The following PCDHGA2 variants were observed in gnomAD, a reference collection of about 807,000 sequenced individuals.
The protein encoded by PCDHGA2 is protocadherin gamma-A2.
Under a neutral mutation model 59.2 loss-of-function variants are expected in PCDHGA2, and 40 were observed. The ratio of observed to expected loss-of-function variants is 0.68; its 90% CI spans 0.52 to 0.88. PCDHGA2 has a LOEUF of 0.88. Among genes scored for constraint, PCDHGA2 ranks in the 40% least tolerant of loss-of-function variants. The probability of loss-of-function intolerance (pLI) is 0.00; values close to 1 mark genes in which losing one functional copy is unlikely to be tolerated. For synonymous variants in PCDHGA2, 560 were observed against 526.0 expected, an observed-to-expected ratio of 1.06 and a Z score of -0.89; for missense variants, 1,226 against 1,204.0, an observed-to-expected ratio of 1.02 and a Z score of -0.27.
intron 1 of PCDHGA2, among the ~76,000 whole-genome samples, chr5:141,470,729 G>T (rs1253040487): frequency 6.6e-6 from 1 of 152,102 alleles, no homozygotes; most frequent in Non-Finnish European, 1.5e-5. Context: ...TCAGGGTCTT[G>T]CTCTGTCGCC....
chr5:141,481,913 CAAAAAA>C (rs34114744), intron 1 of PCDHGA2, among the ~76,000 whole-genome samples: 1 of 90,850 alleles, frequency 1.1e-5, no homozygotes. Flanking sequence ...AACTCCATCT[CAAAAAA>C]AAAAAAAAAA....
At chr5:141,458,172 T>A (rs1023447659) in intron 1 of PCDHGA2, among the ~76,000 whole-genome samples, 2 of 152,216 alleles carry the variant, frequency 1.3e-5, no homozygotes, top group African/African-American at 4.8e-5. Flanking sequence ...CACAGTAGTA[T>A]ACCTTACTTG....
chr5:141,384,071 C>T, intron 1 of PCDHGA2: 1 of 1,603,192 alleles, frequency 6.2e-7, no homozygotes, highest in Non-Finnish European at 8.5e-7. Context: ...GAAAACCTAC[C>T]TTTTAAATTA....
intron 3 of PCDHGA2, among the ~76,000 whole-genome samples, chr5:141,509,815 TCTC>T (rs1596250992): frequency 6.6e-6 from 1 of 152,226 alleles, no homozygotes; most frequent in East Asian, 1.9e-4. Flanking sequence ...GCCGAGCTCT[TCTC>T]CATCTTCTCT....
At chr5:141,394,189 C>T (rs543330174) in intron 1 of PCDHGA2, 1 of 1,613,892 alleles carries the variant, frequency 6.2e-7, no homozygotes, top group Admixed American at 1.7e-5. Flanking sequence ...TCCTACTCAG[C>T]GTATATCCTA....
chr5:141,387,761 A>C lies in PCDHGA2; in HGVS notation c.2424+46366A>C, dbSNP rs539874780. The C allele has an allele frequency of 9.8e-5, 139 of 1,420,618 alleles. 1 individual carries two copies. The African/African-American group carries it at 1.7e-3, about 17-fold the overall frequency. The allele number at this position is 1,420,618 out of a possible 1,614,324, so 88.0% of individuals were successfully genotyped here. A position where few individuals can be genotyped will look rare whatever the true frequency, so the allele number is the denominator to read the frequency against. On this transcript the variant is annotated intron_variant, in intron 1 of 3. Transcript: ENST00000394576. ...ACACCGCTTCCTCCTCGGAAAAAGA[A>C]GAATTTTTTCTTGAACTGGAACTGC...
intron 1 of PCDHGA2, chr5:141,356,781 C>G: frequency 6.2e-7 from 1 of 1,613,996 alleles, no homozygotes; most frequent in Non-Finnish European, 8.5e-7. Context: ...AGTTTAGAGA[C>G]CTGCAGCTGC....
intron 1 of PCDHGA2, chr5:141,383,852 A>G (rs1162643765): frequency 1.9e-6 from 3 of 1,613,966 alleles, no homozygotes; most frequent in East Asian, 4.5e-5. Context: ...TATGAAATGG[A>G]GGTTCAGGCT....
At chr5:141,419,928 T>G in intron 1 of PCDHGA2, 1 of 1,614,084 alleles carries the variant, frequency 6.2e-7, no homozygotes, top group South Asian at 1.1e-5. Flanking sequence ...GAGATGCAGT[T>G]TTACCTGGTG....
intron 1 of PCDHGA2, among the ~76,000 whole-genome samples, chr5:141,359,857 A>AAAAAG (rs1258075197): frequency 2.0e-5 from 3 of 152,212 alleles, no homozygotes; most frequent in South Asian, 2.1e-4. Context: ...TTATAAATTA[A>AAAAAG]AAAAGAAAAG....
chr5:141,454,580 ATT>A (rs1392342692), intron 1 of PCDHGA2, among the ~76,000 whole-genome samples: 2 of 151,234 alleles, frequency 1.3e-5, no homozygotes, highest in Non-Finnish European at 2.9e-5. Context: ...CTAATTTTGT[ATT>A]TTTAGTAGAG....
At chr5:141,352,650 A>G (rs1299290167) in intron 1 of PCDHGA2, 2 of 1,602,438 alleles carry the variant, frequency 1.2e-6, no homozygotes, top group Non-Finnish European at 1.7e-6. Context: ...ATCGCTTATG[A>G]CCCTTCTTTG....
At chr5:141,355,681 G>T (rs933117526) in intron 1 of PCDHGA2, 1 of 1,613,908 alleles carries the variant, frequency 6.2e-7, no homozygotes, top group Non-Finnish European at 8.5e-7. Flanking sequence ...TTTTGATCCG[G>T]ATGTAGGTGT....
At chr5:141,499,966 G>A (rs1403177792) in intron 2 of PCDHGA2, among the ~76,000 whole-genome samples, 1 of 151,988 alleles carries the variant, frequency 6.6e-6, no homozygotes, top group African/African-American at 2.4e-5. Flanking sequence ...GGGATTACAG[G>A]TGTGAGCCAC....
intron 1 of PCDHGA2, chr5:141,427,902 C>G: frequency 6.4e-7 from 1 of 1,573,742 alleles, no homozygotes; most frequent in South Asian, 1.1e-5. Flanking sequence ...CTCGCCCGCG[C>G]TCAGCGCCAA....
Position 141,340,978 on chromosome 5 carries a change from C to T in PCDHGA2, c.2007C>T (p.Pro669=), listed in dbSNP as rs752667791. 9 of 1,613,966 alleles carry T rather than the reference C, an allele frequency of 5.6e-6. No homozygotes were observed. In the South Asian group the frequency reaches 6.6e-5, roughly 12 times the overall value. ...CCGTGGCCGTGGCCGACAGGATCCC[C>T]GACATCCTGGCCGACCTGGGCAGCC... ...TLTVAVADRI[P]DILADLGSLE... Residue 669 remains proline, a synonymous_variant, in exon 1 of 4, where the codon CCC becomes CCT. Coordinates refer to ENST00000394576, the MANE Select transcript of PCDHGA2 (RefSeq NM_018915.4).
intron 1 of PCDHGA2, among the ~76,000 whole-genome samples, chr5:141,472,869 C>T (rs919331906): frequency 6.6e-6 from 1 of 151,388 alleles, no homozygotes; most frequent in Non-Finnish European, 1.5e-5. Context: ...GCCTGTATTC[C>T]CAGCTACTCG....
intron 1 of PCDHGA2, among the ~76,000 whole-genome samples, chr5:141,450,082 C>T (rs2098668421): frequency 6.8e-6 from 1 of 147,384 alleles, no homozygotes. Context: ...TCTTGGCTCA[C>T]TGCAACCTCC....
rs767003818 is a variant in PCDHGA2, at chr5:141,361,414, G to A, written c.2424+20019G>A. ...CAATCTCACCATCACAGCCACCGAC[G>A]GGGGCAAGCCGCCCCTCTCCTCCAG... is the stretch of plus-strand genomic sequence containing the variant. On this transcript the variant is annotated intron_variant, in intron 1 of 3. Coordinates refer to ENST00000394576, the MANE Select transcript of PCDHGA2 (RefSeq NM_018915.4). The A allele has an allele frequency of 2.4e-5, 38 of 1,613,876 alleles. No individual in the cohort carries two copies. Among genetic ancestry groups the A allele is most frequent in the Admixed American group, 1.0e-4 (6 of 60,004 alleles).
Sources: gnomAD v4.1 joint callset for allele counts (sites outside exome capture counted in the v4.1 genomes callset) on GRCh38, gnomAD v4.1.1 for gene constraint, MANE v1.5 for transcripts, NCBI Gene and HGNC (gene_info 2026-07-23, HGNC 2026-07-21) for gene names.